The following RSAD2 variants were observed in gnomAD, a reference collection of about 807,000 sequenced individuals.
The protein encoded by RSAD2 is S-adenosylmethionine-dependent nucleotide dehydratase RSAD2.
In RSAD2, 38 loss-of-function variants were observed where a neutral mutation model predicts 37.7. The ratio of observed to expected loss-of-function variants is 1.01; its 90% CI spans 0.78 to 1.32. The LOEUF (loss-of-function observed/expected upper bound fraction) is 1.32. Ranked by LOEUF, RSAD2 falls within the 40% of genes most tolerant of loss-of-function variation. The pLI is 0.00. For missense variants in RSAD2, 428 were observed against 437.5 expected, an observed-to-expected ratio of 0.98 and a Z score of 0.19; for synonymous variants, 163 against 157.4, an observed-to-expected ratio of 1.04 and a Z score of -0.27.
intron 1 of RSAD2, among the ~76,000 whole-genome samples, chr2:6,868,735 A>C (rs959810279): frequency 6.6e-6 from 1 of 152,180 alleles, no homozygotes; most frequent in African/African-American, 2.4e-5. Flanking sequence ...TGGTTTTCTC[A>C]CAAAGAAATG....
In RSAD2 at chr2:6,895,833, A is replaced by G; in HGVS notation, c.977A>G (p.Asp326Gly). 5 of 1,614,184 alleles carry G rather than the reference A, an allele frequency of 3.1e-6. No homozygotes were observed. Among genetic ancestry groups the G allele is most frequent in the Non-Finnish European group, 3.4e-6 (4 of 1,180,002 alleles). The change falls in exon 6 of 6, where the codon GAT becomes GGT. Residue 326 changes from aspartate to glycine, a missense_variant. Asp to Gly is a moderately conservative substitution (Grantham distance 94). Coordinates refer to ENST00000382040, the MANE Select transcript of RSAD2 (RefSeq NM_080657.5). ...GRKDPSKSIL[D>G]VGVEEAIKFS... ...AAGGACCCTTCCAAGTCCATCCTGG[A>G]TGTTGGTGTAGAAGAAGCTATAAAA... is the stretch of plus-strand genomic sequence containing the variant.
chr2:6,890,985 T>C (rs565788320), intron 4 of RSAD2, among the ~76,000 whole-genome samples: 8 of 152,110 alleles, frequency 5.3e-5, no homozygotes, highest in African/African-American at 1.7e-4. Context: ...TAATGAAAGA[T>C]ACAAACTTTA....
intron 2 of RSAD2, 125 bp downstream of exon 2, chr2:6,883,657 T>C: frequency 9.7e-7 from 1 of 1,032,304 alleles, no homozygotes; most frequent in Non-Finnish European, 1.4e-6. Context: ...GAAAAACTAA[T>C]CTTGCTTACT....
In RSAD2 at chr2:6,897,391, A is replaced by C. The variant is rs773052515; in HGVS notation, c.*1449A>C. ...CGCCTGATGTCATTAAGCACCATCC[A>C]AAAAGTCTGCTTCATAATCTATTTT... On this transcript the variant is annotated 3_prime_UTR_variant, in exon 6 of 6. Transcript: ENST00000382040. 2 of 152,192 alleles carry C rather than the reference A, an allele frequency of 1.3e-5. No homozygotes were observed. The highest frequency in any genetic ancestry group is 2.9e-5 in the Non-Finnish European group (2 of 68,046). 9.4% of individuals were successfully genotyped at this position (152,192 alleles called of 1,614,324 possible). A position where few individuals can be genotyped will look rare whatever the true frequency, so the allele number is the denominator to read the frequency against.
At chr2:6,877,549 C>G (rs1663306341), upstream of RSAD2, 9 of 518,148 alleles carry the variant, frequency 1.7e-5, no homozygotes, top group South Asian at 1.4e-4. Context: ...TGTTATAATA[C>G]AAGTGGACTG....
chr2:6,875,412 C>G (rs1410178046), upstream of RSAD2, among the ~76,000 whole-genome samples: 1 of 152,216 alleles, frequency 6.6e-6, no homozygotes, highest in African/African-American at 2.4e-5. Context: ...CTGGTCAACA[C>G]TGGGGCTACT....
At chr2:6,888,477 C>T (rs1313761456) in intron 3 of RSAD2, among the ~76,000 whole-genome samples, 1 of 152,194 alleles carries the variant, frequency 6.6e-6, no homozygotes, top group Non-Finnish European at 1.5e-5. Flanking sequence ...CTGCCTTAGA[C>T]ATGTTGACTT....
chr2:6,866,014 AC>A lies in RSAD2; in HGVS notation c.113del (p.Pro38ArgfsTer35). On this transcript the variant is annotated frameshift_variant, in exon 1 of 6. Transcript: ENST00000442639. LOFTEE classifies it high-confidence loss of function. The stretch of plus-strand genomic sequence containing the variant: ...CCAGGCGCCGGCTCCCGGGGCTGAC[AC>A]CGAATGAGGCCCCGCGCCGTCGGCC... 1.9e-6 allele frequency: 1 copy of A among 523,532 alleles called. No individual in the cohort carries two copies. Among genetic ancestry groups the A allele is most frequent in the Non-Finnish European group, 2.9e-6 (1 of 342,072 alleles). 32.4% of individuals were successfully genotyped at this position (523,532 alleles called of 1,614,324 possible). A position where few individuals can be genotyped will look rare whatever the true frequency, so the allele number is the denominator to read the frequency against.
chr2:6,881,192 T>TATCTAA (rs1464009604), intron 1 of RSAD2, among the ~76,000 whole-genome samples: 1 of 152,228 alleles, frequency 6.6e-6, no homozygotes, highest in Non-Finnish European at 1.5e-5. Flanking sequence ...CCACACTTCT[T>TATCTAA]AGGTAATTAT....
intron 1 of RSAD2, among the ~76,000 whole-genome samples, chr2:6,879,419 C>T (rs976636078): frequency 1.3e-5 from 2 of 152,146 alleles, no homozygotes; most frequent in African/African-American, 4.8e-5. Context: ...ACCCTGATGG[C>T]TTGGGTCCCC....
At chr2:6,871,397 TC>T (rs1663202064) in intron 1 of RSAD2, among the ~76,000 whole-genome samples, 1 of 152,248 alleles carries the variant, frequency 6.6e-6, no homozygotes, top group Non-Finnish European at 1.5e-5. Context: ...TGTTTTCTTG[TC>T]CTGTGATGAA....
intron 1 of RSAD2, among the ~76,000 whole-genome samples, chr2:6,870,948 G>A (rs1663194208): frequency 6.6e-6 from 1 of 152,172 alleles, no homozygotes; most frequent in Admixed American, 6.5e-5. Context: ...CTAAGTCTCT[G>A]GACAAAAATT....
rs1009389468 is a variant in RSAD2, at chr2:6,884,876, A to G, written c.508+1344A>G. On this transcript the variant is annotated intron_variant, in intron 2 of 5. Transcript: ENST00000382040. ...ATAGATCAAAAATCTACAATTATAA[A>G]TATTTGAAAATAATTAGAAATATTT... is the stretch of plus-strand genomic sequence containing the variant. 3.9e-5 allele frequency among the ~76,000 whole-genome samples: 6 copies of G among 152,182 alleles called. No individual in the cohort carries two copies. In the East Asian group the frequency reaches 7.7e-4, roughly 20 times the overall value.
rs1663313918 is a variant in RSAD2 at position 6,877,841 on chromosome 2, T to C, written c.41T>C (p.Leu14Ser). Reference sequence around the variant, plus strand: ...CCTGCTGCTTTTGCTGGGAAGCTCTTGAGTGTGTTCAGGCAACCTCTGAGC... The same window carrying C: ...CCTGCTGCTTTTGCTGGGAAGCTCTCGAGTGTGTTCAGGCAACCTCTGAGC... ...LTPAAFAGKL[L>S]SVFRQPLSSL... The change falls in exon 1 of 6, where the codon TTG (leucine) becomes TCG (serine). Residue 14 changes from leucine (L) to serine (S), a missense_variant. Physicochemically the swap from Leu to Ser is moderately radical, Grantham distance 145. Transcript: ENST00000382040. 2 of 1,613,956 alleles carry C rather than the reference T, an allele frequency of 1.2e-6. No homozygotes were observed. Among genetic ancestry groups the C allele is most frequent in the Admixed American group, 3.3e-5 (2 of 59,984 alleles).
intron 1 of RSAD2, among the ~76,000 whole-genome samples, chr2:6,879,841 GAGGGAAATTACGACTTTCATTC>G (rs1663365466): frequency 1.3e-5 from 2 of 152,174 alleles, no homozygotes; most frequent in Admixed American, 1.3e-4. Context: ...GAGATATGTC[GAGGGAAATTACGACTTTCATTC>G]AGAAAGCCAG....
upstream of RSAD2, among the ~76,000 whole-genome samples, chr2:6,876,037 A>G (rs1337055995): frequency 6.6e-6 from 1 of 152,158 alleles, no homozygotes; most frequent in African/African-American, 2.4e-5. Context: ...AGACAAACAC[A>G]TTGCTTTAGA....
At chr2:6,872,298 G>A (rs546729899) in intron 1 of RSAD2, among the ~76,000 whole-genome samples, 1 of 152,252 alleles carries the variant, frequency 6.6e-6, no homozygotes, top group South Asian at 2.1e-4. Flanking sequence ...TAATTCAGAA[G>A]AACAAGAGTT....
At chr2:6,893,334 T>C (rs891999120) in intron 4 of RSAD2, among the ~76,000 whole-genome samples, 1 of 152,176 alleles carries the variant, frequency 6.6e-6, no homozygotes, top group African/African-American at 2.4e-5. Context: ...GACACAGTCA[T>C]CAGAAATATC....
In RSAD2 at chr2:6,896,749, T is replaced by C. The variant is rs932077152; in HGVS notation, c.*807T>C. 4 of 152,228 alleles carry C rather than the reference T, an allele frequency of 2.6e-5. No individual in the cohort carries two copies. The highest frequency in any genetic ancestry group is 5.9e-5 in the Non-Finnish European group (4 of 68,048). The allele number at this position is 152,228 out of a possible 1,614,324, so 9.4% of individuals were successfully genotyped here. A position where few individuals can be genotyped will look rare whatever the true frequency, so the allele number is the denominator to read the frequency against. On this transcript the variant is annotated 3_prime_UTR_variant, in exon 6 of 6. Coordinates refer to ENST00000382040, the MANE Select transcript of RSAD2 (RefSeq NM_080657.5). The stretch of plus-strand genomic sequence containing the variant: ...GGCTACCTATGTGTGTGGTACCTGT[T>C]GTGTCCCTTTCTCTTCAAAGATCCT...
Sources: allele counts gnomAD v4.1 joint callset (sites outside exome capture counted in the v4.1 genomes callset), GRCh38; gene constraint gnomAD v4.1.1; transcripts MANE v1.5; gene names NCBI Gene and HGNC (gene_info 2026-07-23, HGNC 2026-07-21).